Variants in DIP2A observed in about 807,000 individuals in gnomAD.
DIP2A encodes DIP2 acetate--CoA ligase A.
A neutral mutation model predicts 177.4 loss-of-function variants in DIP2A; 85 were observed. The observed-to-expected ratio is 0.48, with a 90% CI of 0.40 to 0.57. The LOEUF (loss-of-function observed/expected upper bound fraction) is 0.57, where lower values mean the gene tolerates loss of function less well. Ranked by LOEUF, DIP2A falls within the 20% of genes least tolerant of loss-of-function variation. The pLI, the probability that DIP2A is intolerant of heterozygous loss-of-function variation, is 0.00. For missense variants in DIP2A, 1,791 were observed against 2,100.2 expected (o/e 0.85, Z 2.88); for synonymous variants, 886 against 881.8 (o/e 1.00, Z -0.08).
At position 46,551,659 on chromosome 21, in the gene DIP2A, G is replaced by A. The variant is rs1351234415; in HGVS notation, c.2865G>A (p.Val955=). Residue 955 remains valine, a synonymous_variant, in exon 24 of 38, where the codon GTG becomes GTA. Coordinates refer to ENST00000417564, the MANE Select transcript of DIP2A (RefSeq NM_015151.4). The part of the protein sequence containing the change: ...QPEVGPASMI[V]GNLVAGKRIA... Reference sequence around the variant, plus strand: ...AGGTTGGACCAGCCTCAATGATCGTGGGGAACCTGGTTGCTGGGAAGAGAA... The same window carrying A: ...AGGTTGGACCAGCCTCAATGATCGTAGGGAACCTGGTTGCTGGGAAGAGAA... 1 of 1,613,994 alleles carries A rather than the reference G, an allele frequency of 6.2e-7. No homozygotes were observed. The highest frequency in any genetic ancestry group is 1.1e-5 in the South Asian group (1 of 91,066).
chr21:46,557,487 G>T lies in DIP2A; in HGVS notation c.3630-98G>T. The T allele has an allele frequency of 1.4e-6, 2 of 1,395,576 alleles. No individual in the cohort carries two copies. The highest frequency in any genetic ancestry group is 1.9e-6 in the Non-Finnish European group (2 of 1,038,210). The allele number at this position is 1,395,576 out of a possible 1,614,324, so 86.4% of individuals were successfully genotyped here. On this transcript the variant is annotated intron_variant, in intron 30 of 37. Coordinates refer to ENST00000417564, the MANE Select transcript of DIP2A (RefSeq NM_015151.4). The surrounding 1 kb of genome is among the most constrained non-coding windows in gnomAD (Gnocchi z 6.0). ...GCGTCAGAACAGAAATCATGCCCCT[G>T]TTGTGGCTGGAAAAGAAGTGTTCTT...
At chr21:46,503,953 TG>T (rs914201675) in intron 5 of DIP2A, among the ~76,000 whole-genome samples, 2 of 152,228 alleles carry the variant, frequency 1.3e-5, no homozygotes, top group Non-Finnish European at 2.9e-5. Context: ...CTCGAACCCC[TG>T]ACCTCAGGTG....
Position 46,547,027 on chromosome 21 carries a change from T to C in DIP2A, c.2507T>C (p.Phe836Ser). The C allele has an allele frequency of 1.2e-6, 2 of 1,613,914 alleles. No individual in the cohort carries two copies. The highest frequency in any genetic ancestry group is 1.7e-6 in the Non-Finnish European group (2 of 1,179,850). Residue 836 changes from phenylalanine (F) to serine (S), a missense_variant, in exon 21 of 38, where the codon TTT (phenylalanine) becomes TCT (serine). Coordinates refer to ENST00000417564, the MANE Select transcript of DIP2A (RefSeq NM_015151.4). Reference sequence around the variant, plus strand: ...GCACTGGCCGTGGAGCCCATGAAGTTTGTCTACAGAGGCAGGTGATGCGCT... The same window carrying C: ...GCACTGGCCGTGGAGCCCATGAAGTCTGTCTACAGAGGCAGGTGATGCGCT... Reference protein sequence around the residue: ...ATALAVEPMKFVYRGRIAVFS... With the variant: ...ATALAVEPMKSVYRGRIAVFS...
At chr21:46,545,809 C>T (rs557774638) in intron 19 of DIP2A, 72 bp from the exon 20 acceptor site, 243 of 1,565,982 alleles carry the variant, frequency 1.6e-4, no homozygotes, top group Admixed American at 6.6e-4. Flanking sequence ...AGCCTCCTGC[C>T]GCCTGCTGGG....
rs531655211 is a variant in DIP2A, at chr21:46,505,106, A to G, written c.784+617A>G. ...GAGGAGCTCAGAGCTAGGGCCTATC[A>G]TATATGTTGGTACTCCCAAACAGAG... On this transcript the variant is annotated intron_variant, in intron 6 of 37. Coordinates refer to ENST00000417564, the MANE Select transcript of DIP2A (RefSeq NM_015151.4). Among the ~76,000 whole-genome samples the G allele has an allele frequency of 5.3e-5, 8 of 152,344 alleles. No homozygotes were observed. The South Asian group carries it at 1.7e-3, about 32-fold the overall frequency.
At chr21:46,535,835 G>A (rs1028786430) in intron 13 of DIP2A, among the ~76,000 whole-genome samples, 4 of 152,126 alleles carry the variant, frequency 2.6e-5, no homozygotes, top group African/African-American at 7.2e-5. Flanking sequence ...CCAGCTACTC[G>A]GGAAGCTGAG....
chr21:46,533,977 G>A, intron 11 of DIP2A, 27 bp from the exon 12 acceptor site: 1 of 1,593,294 alleles, frequency 6.3e-7, no homozygotes, highest in Non-Finnish European at 8.6e-7. Flanking sequence ...ACTGCTTGCT[G>A]TTCTGTGTCC....
rs1021845304 is a variant in DIP2A, at chr21:46,494,806, C to T, written c.284-2182C>T. Among the ~76,000 whole-genome samples the T allele has an allele frequency of 5.9e-5, 9 of 152,146 alleles. No individual in the cohort carries two copies. In the South Asian group the frequency reaches 1.0e-3, roughly 18 times the overall value. The stretch of plus-strand genomic sequence containing the variant: ...CCGATATTCAGATTGTCCCATTCTT[C>T]GCCATTGGGAATCTCTTCAAATTGG... On this transcript the variant is annotated intron_variant, in intron 3 of 37. Coordinates refer to ENST00000417564, the MANE Select transcript of DIP2A (RefSeq NM_015151.4).
In DIP2A at chr21:46,545,273, G is replaced by A; in HGVS notation, c.2313G>A (p.Glu771=). The change falls in exon 19 of 38, where the codon GAG becomes GAA. Residue 771 remains glutamate, a splice_region_variant and synonymous_variant. Transcript: ENST00000417564. ...GLLGITKNVF[E]AVPVTTGGAP... ...TTGGAATCACGAAGAATGTGTTTGA[G>A]GTTTGTCCCTTTTCCTGACTTTCAT... 1 of 1,587,954 alleles carries A rather than the reference G, an allele frequency of 6.3e-7. No individual in the cohort carries two copies. The highest frequency in any genetic ancestry group is 8.6e-7 in the Non-Finnish European group (1 of 1,160,074).
At chr21:46,554,470 G>A (rs2060383073) in intron 26 of DIP2A, 105 bp from the exon 27 acceptor site, 1 of 1,544,598 alleles carries the variant, frequency 6.5e-7, no homozygotes, top group Non-Finnish European at 8.8e-7. Flanking sequence ...AGTCACCCAT[G>A]CCCCCCCAGC....
chr21:46,503,572 C>A (rs530348406), intron 5 of DIP2A, among the ~76,000 whole-genome samples: 8 of 25,590 alleles, frequency 3.1e-4, no homozygotes, highest in African/African-American at 7.0e-4. Flanking sequence ...GAGGGAATTT[C>A]TTCCTTCCTT....
In DIP2A at chr21:46,550,643, C is replaced by G; in HGVS notation, c.2738C>G (p.Thr913Ser). ...APLGGIHISETKQRFLEGTLH... is the reference protein window; with the variant it reads ...APLGGIHISESKQRFLEGTLH... ...CTCGGAGGGATTCACATTTCTGAAACCAAACAGCGCTTTCTGGAAGGGACG... is the reference window on the plus strand; with the variant it reads ...CTCGGAGGGATTCACATTTCTGAAAGCAAACAGCGCTTTCTGGAAGGGACG... Residue 913 changes from threonine (T) to serine (S), a missense_variant, in exon 23 of 38, where the codon ACC becomes AGC. Coordinates refer to ENST00000417564, the MANE Select transcript of DIP2A (RefSeq NM_015151.4). 1 of 1,613,952 alleles carries G rather than the reference C, an allele frequency of 6.2e-7. No individual in the cohort carries two copies. The highest frequency in any genetic ancestry group is 8.5e-7 in the Non-Finnish European group (1 of 1,179,888).
intron 8 of DIP2A, among the ~76,000 whole-genome samples, chr21:46,515,256 G>A (rs1175806776): frequency 6.6e-6 from 1 of 152,206 alleles, no homozygotes; most frequent in Admixed American, 6.5e-5. Flanking sequence ...TTTTCTGTTA[G>A]CATGGACTTT....
chr21:46,509,841 T>C (rs2058216911), intron 7 of DIP2A, among the ~76,000 whole-genome samples: 1 of 152,058 alleles, frequency 6.6e-6, no homozygotes, highest in African/African-American at 2.4e-5. Flanking sequence ...AGTACAAACA[T>C]GTGAGTGTGT....
chr21:46,504,747 G>A (rs2057886016), intron 6 of DIP2A, among the ~76,000 whole-genome samples: 1 of 152,186 alleles, frequency 6.6e-6, no homozygotes, highest in African/African-American at 2.4e-5. Context: ...AATTTAGATA[G>A]GATGCAAAGG....
At chr21:46,572,599 C>T (rs1273747910), downstream of DIP2A, among the ~76,000 whole-genome samples, 2 of 152,184 alleles carry the variant, frequency 1.3e-5, no homozygotes, top group South Asian at 2.1e-4. Context: ...CTAGCATGCT[C>T]AGCGCCCCCA....
chr21:46,583,207 T>C, the DIP2A span, among the ~76,000 whole-genome samples: 1 of 152,198 alleles, frequency 6.6e-6, no homozygotes, highest in African/African-American at 2.4e-5. Flanking sequence ...ATTACAAATA[T>C]GTATGCACCC....
At chr21:46,488,431 T>C (rs1376983956) in intron 2 of DIP2A, among the ~76,000 whole-genome samples, 1 of 152,186 alleles carries the variant, frequency 6.6e-6, no homozygotes. Flanking sequence ...ATGACTGAGC[T>C]GCTACTCGCC....
intron 18 of DIP2A, among the ~76,000 whole-genome samples, chr21:46,542,371 G>A (rs1229308980): frequency 2.0e-5 from 3 of 152,222 alleles, no homozygotes; most frequent in Non-Finnish European, 2.9e-5. Flanking sequence ...GCAACCATGT[G>A]AAGTGGGCAG....
Sources: gnomAD v4.1 joint callset for allele counts (sites outside exome capture counted in the v4.1 genomes callset) on GRCh38, gnomAD v4.1.1 for gene constraint, Gnocchi (gnomAD v3.1) non-coding constraint, MANE v1.5 for transcripts, NCBI Gene and HGNC (gene_info 2026-07-23, HGNC 2026-07-21) for gene names.